Variants in RNF44 observed in about 807,000 individuals in gnomAD.
RNF44 encodes the protein ring finger protein 44.
In RNF44, 25 loss-of-function variants were observed where a neutral mutation model predicts 53.6. The observed-to-expected ratio is 0.47, with a 90% CI of 0.34 to 0.65. The LOEUF is 0.65. Ranked by LOEUF, RNF44 falls within the 30% of genes least tolerant of loss-of-function variation. RNF44 has a pLI of 0.01. For missense variants in RNF44, 581 were observed against 595.5 expected (o/e 0.98, Z 0.25); for synonymous variants, 282 against 252.2 (o/e 1.12, Z -1.12).
intron 1 of RNF44, among the ~76,000 whole-genome samples, chr5:176,534,536 T>C (rs571747641): frequency 1.3e-5 from 2 of 152,232 alleles, no homozygotes; most frequent in Non-Finnish European, 2.9e-5. Flanking sequence ...AAACAGCAGA[T>C]GCCTGGCCCA....
rs1756600268 is a variant in RNF44, at chr5:176,530,927, G to C, written c.560C>G (p.Pro187Arg). The C allele has an allele frequency of 1.4e-6, 2 of 1,419,694 alleles. No homozygotes were observed. Among genetic ancestry groups the C allele is most frequent in the Non-Finnish European group, 1.9e-6 (2 of 1,075,226 alleles). The allele number at this position is 1,419,694 out of a possible 1,614,324, so 87.9% of individuals were successfully genotyped here. Reference sequence around the variant, plus strand: ...GGTGGGCTGGGGGGGTGGGGCCGGTGGTGGGGGGTGCAGGATGTAGTGGTC... The same window carrying C: ...GGTGGGCTGGGGGGGTGGGGCCGGTCGTGGGGGGTGCAGGATGTAGTGGTC... The part of the protein sequence containing the change: ...SSDHYILHPP[P>R]PAPPPQPTHM... The change falls in exon 5 of 11, where the codon CCA becomes CGA. Residue 187 changes from proline to arginine, a missense_variant. By Grantham distance (103) the Pro-to-Arg change is moderately radical. This residue lies in a region of RNF44 where 387 missense variants were observed against 366.0 expected (regional missense o/e 1.06). Transcript: ENST00000274811.
In RNF44 at chr5:176,530,981, T is replaced by C. The variant is rs1756607422; in HGVS notation, c.506A>G (p.Tyr169Cys). Residue 169 changes from tyrosine (Y) to cysteine (C), a missense_variant, in exon 5 of 11, where the codon TAT (tyrosine) becomes TGT (cysteine). Coordinates refer to ENST00000274811, the MANE Select transcript of RNF44 (RefSeq NM_014901.5). ...GGAGATGAGGTGGGGGTAGGCCTGA[T>C]AGGGCACAGGCAGCTGCTGCATGGT... ...ACTMQQLPVP[Y>C]QAYPHLISSD... The C allele has an allele frequency of 1.4e-6, 2 of 1,452,592 alleles. No individual in the cohort carries two copies. Among genetic ancestry groups the C allele is most frequent in the African/African-American group, 1.5e-5 (1 of 67,982 alleles). 90.0% of individuals were successfully genotyped at this position (1,452,592 alleles called of 1,614,324 possible).
rs1294754470 is a variant in RNF44 at position 176,528,230 on chromosome 5, G to C, written c.*798C>G. ...TCCTACACGTGATTTTGGGCCAAAT[G>C]AATGAACAAAAACTGCTGCTCCTCA... On this transcript the variant is annotated 3_prime_UTR_variant, in exon 11 of 11. Coordinates refer to ENST00000274811, the MANE Select transcript of RNF44 (RefSeq NM_014901.5). 1 of 152,258 alleles carries C rather than the reference G, an allele frequency of 6.6e-6. No homozygotes were observed. Among genetic ancestry groups the C allele is most frequent in the Non-Finnish European group, 1.5e-5 (1 of 68,050 alleles). The allele number at this position is 152,258 out of a possible 1,614,324, so 9.4% of individuals were successfully genotyped here.
chr5:176,527,941 G>A lies in RNF44; in HGVS notation c.*1087C>T, dbSNP rs777332399. 3 of 152,634 alleles carry A rather than the reference G, an allele frequency of 2.0e-5. No homozygotes were observed. The highest frequency in any genetic ancestry group is 6.5e-5 in the Admixed American group (1 of 15,278). The allele number at this position is 152,634 out of a possible 1,614,324, so 9.5% of individuals were successfully genotyped here. A position where few individuals can be genotyped will look rare whatever the true frequency, so the allele number is the denominator to read the frequency against. ...GTGGGAGTTGGGCCCTGGCTGGAGG[G>A]AGAAATGCCCTGAAAAGCGTCGGGT... On this transcript the variant is annotated 3_prime_UTR_variant, in exon 11 of 11. Transcript: ENST00000274811.
upstream of RNF44, chr5:176,538,138 C>T (rs1316223166): frequency 6.6e-6 from 1 of 152,190 alleles, no homozygotes; most frequent in East Asian, 1.9e-4. Context: ...TAGTTTAAAG[C>T]AAAAGTGCAG....
chr5:176,535,000 T>C (rs552210226), intron 1 of RNF44, among the ~76,000 whole-genome samples: 1 of 152,260 alleles, frequency 6.6e-6, no homozygotes, highest in East Asian at 1.9e-4. Flanking sequence ...GTCTGCTCTG[T>C]GGCCAGCCCC....
rs1227298363 is a variant in RNF44, at chr5:176,532,132, G to A, written c.169C>T (p.Gln57Ter). The A allele has an allele frequency of 1.3e-6, 2 of 1,580,996 alleles. No homozygotes were observed. Among genetic ancestry groups the A allele is most frequent in the Non-Finnish European group, 8.6e-7 (1 of 1,165,616 alleles). Residue 57 changes from glutamine to a stop codon, truncating the protein, a stop_gained, in exon 3 of 11, where the codon CAG (glutamine) becomes TAG (stop). Transcript: ENST00000274811. LOFTEE classifies it high-confidence loss of function. The part of the protein sequence containing the change: ...PARDERLPSQ[Q>*]PPSRPPHLPV... ...AGGTGTGGAGGTCGGGACGGCGGCTGCTGGGAGGGTAAGCGCTCATCCCGG... is the reference window on the plus strand; with the variant it reads ...AGGTGTGGAGGTCGGGACGGCGGCTACTGGGAGGGTAAGCGCTCATCCCGG...
chr5:176,537,059 G>C lies in RNF44; in HGVS notation c.-164C>G, dbSNP rs1033459395. On this transcript the variant is annotated 5_prime_UTR_variant, in exon 1 of 11. Transcript: ENST00000274811. Reference sequence around the variant, plus strand: ...ATCCTTTAAGAGCTCCCGCCCTGCGGAACAATGTGCTCCCCTCCCCACCCC... The same window carrying C: ...ATCCTTTAAGAGCTCCCGCCCTGCGCAACAATGTGCTCCCCTCCCCACCCC... 1 of 152,084 alleles carries C rather than the reference G, an allele frequency of 6.6e-6. No individual in the cohort carries two copies. The highest frequency in any genetic ancestry group is 2.4e-5 in the African/African-American group (1 of 41,398). The allele number at this position is 152,084 out of a possible 1,614,324, so 9.4% of individuals were successfully genotyped here.
the RNF44 span, among the ~76,000 whole-genome samples, chr5:176,543,150 C>A: frequency 6.6e-6 from 1 of 150,866 alleles, no homozygotes; most frequent in East Asian, 1.9e-4. This position sits in a 1 kb window ranked among gnomAD's most constrained non-coding sequence, Gnocchi z 4.0. Context: ...AGAGGCCTGG[C>A]GGGAAGACCC....
At chr5:176,529,491 C>T in intron 9 of RNF44, 32 bp downstream of exon 9, 4 of 1,612,928 alleles carry the variant, frequency 2.5e-6, no homozygotes, top group East Asian at 2.2e-5. Context: ...CAGCTGTGTT[C>T]AGAGGGGTGG....
Position 176,526,762 on chromosome 5 carries a change from A to C in RNF44, c.*2266T>G. 6.6e-6 allele frequency: 1 copy of C among 152,572 alleles called. No homozygotes were observed. Among genetic ancestry groups the C allele is most frequent in the East Asian group, 1.9e-4 (1 of 5,194 alleles). 9.5% of individuals were successfully genotyped at this position (152,572 alleles called of 1,614,324 possible). A position where few individuals can be genotyped will look rare whatever the true frequency, so the allele number is the denominator to read the frequency against. On this transcript the variant is annotated 3_prime_UTR_variant, in exon 11 of 11. Transcript: ENST00000274811. ...TGAATATCCCTCTGAAATCAGCAAC[A>C]ATATTAAAAAAAATAATGATTGCAC...
chr5:176,535,779 T>C (rs7707463), intron 1 of RNF44, among the ~76,000 whole-genome samples: 13,170 of 152,146 alleles, frequency 0.087, 644 homozygotes, highest in East Asian at 0.14. Flanking sequence ...CAAGGTCAAA[T>C]AGCAAGGGTG....
upstream of RNF44, among the ~76,000 whole-genome samples, chr5:176,540,282 A>C (rs1269887936): frequency 6.6e-6 from 1 of 152,116 alleles, no homozygotes; most frequent in Non-Finnish European, 1.5e-5. Flanking sequence ...CCTGAGGCTC[A>C]AAGAGGTGAA....
upstream of RNF44, among the ~76,000 whole-genome samples, chr5:176,540,151 C>G (rs545443873): frequency 6.6e-6 from 1 of 152,180 alleles, no homozygotes; most frequent in Non-Finnish European, 1.5e-5. Context: ...CTGTCACAAT[C>G]GCTGTGTGTC....
upstream of RNF44, among the ~76,000 whole-genome samples, chr5:176,541,646 G>A (rs1757450348): frequency 6.6e-6 from 1 of 152,174 alleles, no homozygotes; most frequent in East Asian, 1.9e-4. Context: ...GAAGAGGAGG[G>A]CGTGGCCATG....
intron 7 of RNF44, 96 bp downstream of exon 7, chr5:176,529,986 G>C: frequency 1.4e-6 from 2 of 1,450,788 alleles, no homozygotes; most frequent in East Asian, 2.4e-5. Context: ...TGGCTTCAGA[G>C]GCCCTGGGGC....
Position 176,530,944 on chromosome 5 carries a change from G to T in RNF44, c.543C>A (p.Tyr181Ter). ...AYPHLISSDH[Y>*]ILHPPPPAPP... ...GGGCCGGTGGTGGGGGGTGCAGGAT[G>T]TAGTGGTCACTGGAGATGAGGTGGG... The change falls in exon 5 of 11, where the codon TAC becomes TAA. Residue 181 changes from tyrosine (Y) to a stop codon, truncating the protein, a stop_gained. Coordinates refer to ENST00000274811, the MANE Select transcript of RNF44 (RefSeq NM_014901.5). LOFTEE classifies it high-confidence loss of function. 6.9e-7 allele frequency: 1 copy of T among 1,456,238 alleles called. No individual in the cohort carries two copies. Among genetic ancestry groups the T allele is most frequent in the Non-Finnish European group, 9.1e-7 (1 of 1,104,350 alleles). The allele number at this position is 1,456,238 out of a possible 1,614,324, so 90.2% of individuals were successfully genotyped here.
chr5:176,527,552 A>G lies in RNF44; in HGVS notation c.*1476T>C, dbSNP rs987087047. On this transcript the variant is annotated 3_prime_UTR_variant, in exon 11 of 11. Transcript: ENST00000274811. The stretch of plus-strand genomic sequence containing the variant: ...TATACAGTAAGACTTTGGGTTCTCC[A>G]TGGGGGTGGGACCAGGCTGACGGGC... The G allele has an allele frequency of 6.6e-6, 1 of 152,056 alleles. No individual in the cohort carries two copies. The highest frequency in any genetic ancestry group is 1.5e-5 in the Non-Finnish European group (1 of 67,942). 9.4% of individuals were successfully genotyped at this position (152,056 alleles called of 1,614,324 possible).
At chr5:176,542,240 C>G (rs1042303594), upstream of RNF44, among the ~76,000 whole-genome samples, 1 of 152,146 alleles carries the variant, frequency 6.6e-6, no homozygotes, top group African/African-American at 2.4e-5. Flanking sequence ...TGAGACAGAG[C>G]CCCTGAGGCC....
Sources: allele counts gnomAD v4.1 joint callset (sites outside exome capture counted in the v4.1 genomes callset), GRCh38; gene constraint gnomAD v4.1.1; regional missense constraint gnomAD v4.1.1; non-coding constraint Gnocchi (gnomAD v3.1); transcripts MANE v1.5; gene names NCBI Gene and HGNC (gene_info 2026-07-23, HGNC 2026-07-21).